The following FSD2 variants were observed in gnomAD, a reference collection of about 807,000 sequenced individuals.
FSD2 encodes the protein fibronectin type III and SPRY domain-containing protein 2.
Under a neutral mutation model 80.4 loss-of-function variants are expected in FSD2, and 71 were observed. The observed-to-expected ratio is 0.88, with a 90% CI of 0.73 to 1.08. The LOEUF is 1.08. Among genes scored for constraint, FSD2 ranks in the 50% least tolerant of loss-of-function variants. The pLI, the probability that FSD2 is intolerant of heterozygous loss-of-function variation, is 0.00. For missense variants in FSD2, 923 were observed against 913.8 expected (o/e 1.01, Z -0.13); for synonymous variants, 361 against 329.5 (o/e 1.10, Z -1.03).
In FSD2 at chr15:82,778,907, T is replaced by C; in HGVS notation, c.990-20A>G. 6.2e-7 allele frequency: 1 copy of C among 1,613,760 alleles called. No homozygotes were observed. Among genetic ancestry groups the C allele is most frequent in the Admixed American group, 1.7e-5 (1 of 60,010 alleles). On this transcript the variant is annotated intron_variant, in intron 5 of 12. Transcript: ENST00000334574. ...CCGAGTCTGTTGGTATAAAAAGACA[T>C]GCTGACTAGAATGGAGGGGCATTCT...
At chr15:82,760,778 C>T (rs1243163838) in intron 12 of FSD2, among the ~76,000 whole-genome samples, 3 of 151,990 alleles carry the variant, frequency 2.0e-5, no homozygotes, top group Admixed American at 2.0e-4. Flanking sequence ...CTGTAAGAAA[C>T]TGGCTTGGCT....
In FSD2 at chr15:82,782,940, A is replaced by T; in HGVS notation, c.821T>A (p.Ile274Lys). ...ETLAQKYEEK[I>K]QALGEKKKEK... is the part of the protein sequence containing the mutation. ...TTTCTTTTTCTCCCCTAGAGCTTGT[A>T]TTTTTTCCTCATATTTTTGAGCAAG... Residue 274 changes from isoleucine to lysine, a missense_variant, in exon 4 of 13, where the codon ATA becomes AAA. Ile to Lys is a moderately radical substitution (Grantham distance 102). Coordinates refer to ENST00000334574, the MANE Select transcript of FSD2 (RefSeq NM_001007122.4). 1 of 1,613,198 alleles carries T rather than the reference A, an allele frequency of 6.2e-7. No individual in the cohort carries two copies. The highest frequency in any genetic ancestry group is 8.5e-7 in the Non-Finnish European group (1 of 1,179,722).
intron 9 of FSD2, 75 bp from the exon 10 acceptor site, chr15:82,766,106 A>G: frequency 6.9e-7 from 1 of 1,457,798 alleles, no homozygotes; most frequent in Non-Finnish European, 9.1e-7. Flanking sequence ...TCCCTTTCAA[A>G]GCTGGAAGGT....
intron 1 of FSD2, among the ~76,000 whole-genome samples, chr15:82,794,168 T>C (rs2050209459): frequency 6.6e-6 from 1 of 152,154 alleles, no homozygotes; most frequent in Non-Finnish European, 1.5e-5. Flanking sequence ...CTACAAGTTT[T>C]CATGTTATCT....
chr15:82,760,763 T>G (rs1179268357), intron 12 of FSD2, among the ~76,000 whole-genome samples: 1 of 139,512 alleles, frequency 7.2e-6, no homozygotes, highest in African/African-American at 2.7e-5. Context: ...ACACACACCC[T>G]ACATCTGTAA....
chr15:82,764,730 G>C (rs1008482976), intron 11 of FSD2, among the ~76,000 whole-genome samples: 1 of 151,702 alleles, frequency 6.6e-6, no homozygotes, highest in South Asian at 2.1e-4. Context: ...TGCCTGCCTC[G>C]GCTTCCCAAA....
intron 1 of FSD2, among the ~76,000 whole-genome samples, chr15:82,791,123 C>CCAGTAG (rs963362304): frequency 2.2e-4 from 34 of 151,522 alleles, no homozygotes; most frequent in Non-Finnish European, 4.1e-4. Flanking sequence ...CTCAGCCTCC[C>CCAGTAG]CAGTAGCTGG....
intron 7 of FSD2, 93 bp downstream of exon 7, chr15:82,771,979 TC>T: frequency 3.1e-6 from 4 of 1,307,518 alleles, no homozygotes; most frequent in Non-Finnish European, 2.0e-6. Context: ...CCATCCTGTC[TC>T]TACCATCCCA....
chr15:82,775,189 G>A (rs923735198), intron 6 of FSD2, among the ~76,000 whole-genome samples: 1 of 150,982 alleles, frequency 6.6e-6, no homozygotes, highest in African/African-American at 2.4e-5. Context: ...ACGAGGTCAG[G>A]AGTTTGAGAC....
chr15:82,798,004 G>T (rs529203034), intron 1 of FSD2, among the ~76,000 whole-genome samples: 3 of 152,142 alleles, frequency 2.0e-5, no homozygotes, highest in African/African-American at 7.2e-5. Flanking sequence ...TTTTTGTAGA[G>T]AAGTATCATA....
intron 3 of FSD2, among the ~76,000 whole-genome samples, chr15:82,785,102 C>A (rs1039709290): frequency 9.2e-5 from 14 of 152,064 alleles, no homozygotes; most frequent in Admixed American, 9.2e-4. Context: ...GACTAGTGGA[C>A]AAAAGTTACA....
chr15:82,785,811 G>A (rs1197874243), intron 3 of FSD2, among the ~76,000 whole-genome samples: 3 of 152,046 alleles, frequency 2.0e-5, no homozygotes, highest in Admixed American at 6.6e-5. Context: ...CGAAACCAAC[G>A]GAACAACATG....
chr15:82,787,083 T>C lies in FSD2; in HGVS notation c.308A>G (p.Tyr103Cys), dbSNP rs572832469. The C allele has an allele frequency of 3.7e-6, 6 of 1,614,000 alleles. No individual in the cohort carries two copies. The highest frequency in any genetic ancestry group is 5.1e-6 in the Non-Finnish European group (6 of 1,179,882). Residue 103 changes from tyrosine to cysteine, a missense_variant, in exon 2 of 13, where the codon TAT becomes TGT. Physicochemically the swap from Tyr to Cys is radical, Grantham distance 194. Coordinates refer to ENST00000334574, the MANE Select transcript of FSD2 (RefSeq NM_001007122.4). ...TCTCCTCTTCATCATATAAGGAGGA[T>C]ATTCTGAAACCCCTGTTCTGGGTAT... ...ENIPRTGVSE[Y>C]PPYMMKRRDP...
chr15:82,774,319 G>T (rs2049661435), intron 6 of FSD2, among the ~76,000 whole-genome samples: 1 of 152,098 alleles, frequency 6.6e-6, no homozygotes, highest in Non-Finnish European at 1.5e-5. Context: ...CTAGCAGTCT[G>T]CCCACCTCAG....
At position 82,778,776 on chromosome 15, in the gene FSD2, G is replaced by A. The variant is rs768347844; in HGVS notation, c.1101C>T (p.Asn367=). The A allele has an allele frequency of 1.2e-6, 2 of 1,610,862 alleles. No individual in the cohort carries two copies. Among genetic ancestry groups the A allele is most frequent in the East Asian group, 4.5e-5 (2 of 44,840 alleles). Residue 367 remains asparagine, a synonymous_variant, in exon 6 of 13, where the codon AAC becomes AAT. Transcript: ENST00000334574. ...SDVEQLMGSI[N]TIPAPSAPVI... Reference sequence around the variant, plus strand: ...CACACAGGTGAGCACCTGGAATGGTGTTAATGGAGCCCATCAGCTGCTCCA... The same window carrying A: ...CACACAGGTGAGCACCTGGAATGGTATTAATGGAGCCCATCAGCTGCTCCA...
At chr15:82,798,237 C>T (rs571463418) in intron 1 of FSD2, among the ~76,000 whole-genome samples, 15 of 152,058 alleles carry the variant, frequency 9.9e-5, no homozygotes, top group African/African-American at 3.1e-4. Context: ...CCCAGCTACT[C>T]GGGATGCTAA....
intron 1 of FSD2, among the ~76,000 whole-genome samples, chr15:82,790,313 C>A (rs752282011): frequency 2.0e-5 from 3 of 152,224 alleles, no homozygotes; most frequent in Non-Finnish European, 4.4e-5. Context: ...GGATACTTGC[C>A]TGAATCTTCC....
chr15:82,762,190 C>G lies in FSD2; in HGVS notation c.1909G>C (p.Gly637Arg), dbSNP rs758687087. The G allele has an allele frequency of 1.2e-6, 2 of 1,613,700 alleles. No homozygotes were observed. Among genetic ancestry groups the G allele is most frequent in the East Asian group, 2.2e-5 (1 of 44,886 alleles). ...TTACGGACATCTGCAAAGGCCACAC[C>G]AACTCTGTAGTCCAAATGCTCATCC... Reference protein sequence around the residue: ...EVDEHLDYRVGVAFADVRKQE... With the variant: ...EVDEHLDYRVRVAFADVRKQE... The change falls in exon 12 of 13, where the codon GGT becomes CGT. Residue 637 changes from glycine to arginine, a missense_variant. Transcript: ENST00000334574.
Position 82,772,199 on chromosome 15 carries a change from C to T in FSD2, c.1141G>A (p.Val381Ile). 1 of 1,612,352 alleles carries T rather than the reference C, an allele frequency of 6.2e-7. No individual in the cohort carries two copies. The highest frequency in any genetic ancestry group is 1.1e-5 in the South Asian group (1 of 90,554). The stretch of plus-strand genomic sequence containing the variant: ...GAGGAACCTGTGGCTGAGTTAGGGA[C>T]CTGTGGATTTATGACTGGAGCAGAA... Reference protein sequence around the residue: ...APSAPVINPQVPNSATGSSVR... With the variant: ...APSAPVINPQIPNSATGSSVR... The change falls in exon 7 of 13, where the codon GTC becomes ATC. Residue 381 changes from valine to isoleucine, a missense_variant. Val to Ile is a conservative substitution (Grantham distance 29). Coordinates refer to ENST00000334574, the MANE Select transcript of FSD2 (RefSeq NM_001007122.4).
Sources: gnomAD v4.1 joint callset for allele counts (sites outside exome capture counted in the v4.1 genomes callset) on GRCh38, gnomAD v4.1.1 for gene constraint, MANE v1.5 for transcripts, NCBI Gene and HGNC (gene_info 2026-07-23, HGNC 2026-07-21) for gene names.